Variants in STK31 observed in about 807,000 individuals in gnomAD.
STK31 encodes serine/threonine kinase 31, also known as serine/threonine-protein kinase 31.
In STK31, 89 loss-of-function variants were observed where a neutral mutation model predicts 129.7. The ratio of observed to expected loss-of-function variants is 0.69; its 90% CI spans 0.58 to 0.82. STK31 has a LOEUF of 0.82. STK31 is among the 40% of genes least tolerant of loss of function. STK31 has a pLI of 0.00. For synonymous variants in STK31, 448 were observed against 395.3 expected (o/e 1.13, Z -1.58); for missense variants, 1,187 against 1,176.4 (o/e 1.01, Z -0.13).
chr7:23,823,810 A>G (rs1339113545), intron 23 of STK31, among the ~76,000 whole-genome samples: 3 of 152,178 alleles, frequency 2.0e-5, no homozygotes, highest in Admixed American at 6.5e-5. Flanking sequence ...TCAGCTTTCT[A>G]TATACGGCTA....
At chr7:23,828,535 C>T (rs890730146) in intron 23 of STK31, among the ~76,000 whole-genome samples, 4 of 152,256 alleles carry the variant, frequency 2.6e-5, no homozygotes, top group Admixed American at 6.5e-5. Flanking sequence ...TGACCCCTTG[C>T]GCTTCCCGGG....
intron 22 of STK31, among the ~76,000 whole-genome samples, chr7:23,798,151 A>G (rs1275791640): frequency 6.6e-6 from 1 of 152,234 alleles, no homozygotes; most frequent in Non-Finnish European, 1.5e-5. Context: ...ACAGATACAC[A>G]GTCGAATTCC....
At chr7:23,752,350 A>ATTT (rs140189040) in intron 8 of STK31, among the ~76,000 whole-genome samples, 11 of 140,832 alleles carry the variant, frequency 7.8e-5, no homozygotes, top group African/African-American at 2.9e-4. Context: ...CAAATTTGGA[A>ATTT]TTTTTTTTTT....
chr7:23,754,606 G>C (rs373070790), intron 10 of STK31, 132 bp downstream of exon 10: 1 of 969,920 alleles, frequency 1.0e-6, no homozygotes, highest in African/African-American at 1.7e-5. Context: ...GTATACATGC[G>C]CCGTGGTAGT....
intron 8 of STK31, among the ~76,000 whole-genome samples, chr7:23,749,196 C>G (rs367579669): frequency 1.3e-5 from 2 of 152,318 alleles, no homozygotes; most frequent in East Asian, 3.9e-4. Flanking sequence ...CATTATGATG[C>G]GTAGCATATT....
At chr7:23,776,248 T>C (rs1790534722) in intron 15 of STK31, among the ~76,000 whole-genome samples, 1 of 152,224 alleles carries the variant, frequency 6.6e-6, no homozygotes, top group African/African-American at 2.4e-5. Flanking sequence ...TATTGAGGAT[T>C]TTTGCATCAA....
chr7:23,767,705 C>T (rs1272260065), intron 11 of STK31, among the ~76,000 whole-genome samples: 1 of 152,164 alleles, frequency 6.6e-6, no homozygotes, highest in Non-Finnish European at 1.5e-5. Flanking sequence ...AACCTGTTGC[C>T]TCTTGATGGT....
In STK31 at chr7:23,786,305, T is replaced by C. The variant is rs575607686; in HGVS notation, c.2275-203T>C. Among the ~76,000 whole-genome samples the C allele has an allele frequency of 9.9e-5, 15 of 152,222 alleles. No individual in the cohort carries two copies. In the East Asian group the frequency reaches 2.9e-3, roughly 29 times the overall value. On this transcript the variant is annotated intron_variant, in intron 18 of 23. Transcript: ENST00000355870. ...GCCTTAGTTGCTACACATTCTAGAATGTGTAGCAGGCTACAGGTAGAATTG... is the reference window on the plus strand; with the variant it reads ...GCCTTAGTTGCTACACATTCTAGAACGTGTAGCAGGCTACAGGTAGAATTG...
intron 15 of STK31, among the ~76,000 whole-genome samples, chr7:23,775,303 C>T (rs1337887133): frequency 1.3e-5 from 2 of 152,156 alleles, no homozygotes; most frequent in East Asian, 3.8e-4. Context: ...ATTGTCTTGG[C>T]TATCTGGGCT....
rs182524777 is a variant in STK31 at position 23,797,398 on chromosome 7, A to G, written c.2760+6452A>G. On this transcript the variant is annotated intron_variant, in intron 22 of 23. Coordinates refer to ENST00000355870, the MANE Select transcript of STK31 (RefSeq NM_031414.5). ...CTCCTCAGCAAATGCAAAAGAATGG[A>G]AATCTTAATGGTCTCTCAGACCACA... is the stretch of plus-strand genomic sequence containing the variant. Among the ~76,000 whole-genome samples, 398 of 152,176 alleles carry G rather than the reference A, an allele frequency of 2.6e-3. 6 individuals carry two copies. The highest frequency in any genetic ancestry group is 9.0e-3 in the African/African-American group (372 of 41,520).
intron 22 of STK31, among the ~76,000 whole-genome samples, chr7:23,799,377 C>T (rs6979438): frequency 0.14 from 21,257 of 151,966 alleles, 2,539 homozygotes; most frequent in African/African-American, 0.33. Context: ...AGCATGGTAC[C>T]GGTACCAAAA....
chr7:23,778,424 AG>A (rs1368069077), intron 15 of STK31, among the ~76,000 whole-genome samples: 1 of 152,176 alleles, frequency 6.6e-6, no homozygotes, highest in Non-Finnish European at 1.5e-5. Flanking sequence ...AATATGCTTA[AG>A]TGTGTTTTCC....
intron 17 of STK31, among the ~76,000 whole-genome samples, chr7:23,784,622 A>G (rs1300137621): frequency 6.6e-6 from 1 of 152,102 alleles, no homozygotes; most frequent in Non-Finnish European, 1.5e-5. Flanking sequence ...ACTGTAATGT[A>G]TGCTTAGGAA....
rs1226285149 is a variant in STK31, at chr7:23,727,294, G to A, written c.303G>A (p.Leu101=). 18 of 1,613,448 alleles carry A rather than the reference G, an allele frequency of 1.1e-5. No homozygotes were observed. The highest frequency in any genetic ancestry group is 1.4e-5 in the Non-Finnish European group (17 of 1,179,730). ...AGTGTTGGTACAGATGCAAAGTACTGAAAATCATCAGCGTTGAAAAGGCAG... is the reference window on the plus strand; with the variant it reads ...AGTGTTGGTACAGATGCAAAGTACTAAAAATCATCAGCGTTGAAAAGGCAG... ...EDQCWYRCKV[L]KIISVEKCLV... The change falls in exon 5 of 24, where the codon CTG becomes CTA. Residue 101 remains leucine (L), a synonymous_variant. Transcript: ENST00000355870.
chr7:23,731,165 T>C (rs544641774), intron 6 of STK31, among the ~76,000 whole-genome samples: 108 of 152,110 alleles, frequency 7.1e-4, no homozygotes, highest in African/African-American at 2.5e-3. Context: ...ATTACAGGCA[T>C]GAGCCACCCG....
chr7:23,775,211 A>T (rs892628870), intron 15 of STK31, among the ~76,000 whole-genome samples: 3 of 152,214 alleles, frequency 2.0e-5, no homozygotes, highest in African/African-American at 4.8e-5. Context: ...CACCAGTACC[A>T]TGCTGTTTTG....
rs1328192547 is a variant in STK31 at position 23,717,603 on chromosome 7, T to C, written c.249+24T>C. On this transcript the variant is annotated intron_variant, in intron 4 of 23. Coordinates refer to ENST00000355870, the MANE Select transcript of STK31 (RefSeq NM_031414.5). ...AGGTGAGCCATATTCTTGAATATAA[T>C]TATTTCATTCCTCCTGTCAGCTTTC... 2.6e-6 allele frequency: 4 copies of C among 1,534,362 alleles called. No homozygotes were observed. The East Asian group carries it at 6.9e-5, about 26-fold the overall frequency.
chr7:23,716,630 T>A (rs1786340612), intron 3 of STK31, among the ~76,000 whole-genome samples: 1 of 152,130 alleles, frequency 6.6e-6, no homozygotes, highest in Non-Finnish European at 1.5e-5. Flanking sequence ...TATTCAATTA[T>A]TTATATTAAT....
chr7:23,771,950 T>C, intron 14 of STK31, 197 bp from the exon 15 acceptor site: 1 of 364,720 alleles, frequency 2.7e-6, no homozygotes, highest in Admixed American at 4.7e-5. Flanking sequence ...GTGCTGGAAC[T>C]GATATTCTTC....
Sources: allele counts gnomAD v4.1 joint callset (sites outside exome capture counted in the v4.1 genomes callset), GRCh38; gene constraint gnomAD v4.1.1; transcripts MANE v1.5; gene names NCBI Gene and HGNC (gene_info 2026-07-23, HGNC 2026-07-21).